PABPC4L: variants seen among roughly 807,000 people sequenced by gnomAD.
PABPC4L encodes poly(A) binding protein cytoplasmic 4 like, also known as polyadenylate-binding protein 4-like.
For synonymous variants in PABPC4L, 169 were observed against 164.1 expected, an observed-to-expected ratio of 1.03 and a Z score of -0.23; for missense variants, 452 against 451.4, an observed-to-expected ratio of 1.00 and a Z score of -0.01.
chr4:134,105,551 G>T, the PABPC4L span, among the ~76,000 whole-genome samples: 605 of 151,642 alleles, frequency 4.0e-3, 5 homozygotes, highest in African/African-American at 0.014. Flanking sequence ...AAATGGAAAA[G>T]CTTTGGGTAT....
the PABPC4L span, among the ~76,000 whole-genome samples, chr4:134,058,205 A>G: frequency 1.3e-5 from 2 of 152,102 alleles, no homozygotes; most frequent in African/African-American, 4.8e-5. Context: ...AAAAGGAAAA[A>G]AGAAATATAG....
At chr4:134,063,729 T>A in the PABPC4L span, among the ~76,000 whole-genome samples, 1 of 152,016 alleles carries the variant, frequency 6.6e-6, no homozygotes, top group Non-Finnish European at 1.5e-5. Flanking sequence ...AAAATGAATA[T>A]GAAATCTTGT....
Position 134,199,854 on chromosome 4 carries a change from T to C in PABPC4L, c.*53A>G, listed in dbSNP as rs932107396. 28 of 1,534,926 alleles carry C rather than the reference T, an allele frequency of 1.8e-5. No individual in the cohort carries two copies. Among genetic ancestry groups the C allele is most frequent in the Non-Finnish European group, 2.4e-5 (27 of 1,141,326 alleles). On this transcript the variant is annotated 3_prime_UTR_variant, in exon 2 of 2. Coordinates refer to ENST00000421491, the MANE Select transcript of PABPC4L (RefSeq NM_001114734.2). ...TGAGGTCAATTCAGGCAGAGATCAC[T>C]ATCATTCTCCCACCTGCTGCAGATA...
At chr4:134,064,484 T>G in the PABPC4L span, among the ~76,000 whole-genome samples, 2 of 152,090 alleles carry the variant, frequency 1.3e-5, no homozygotes, top group African/African-American at 2.4e-5. Flanking sequence ...TTTGGGAGAA[T>G]AATACAAATA....
chr4:133,977,358 C>T, the PABPC4L span, among the ~76,000 whole-genome samples: 1 of 152,076 alleles, frequency 6.6e-6, no homozygotes, highest in Admixed American at 6.6e-5. Flanking sequence ...ATGCCTTCAG[C>T]TTTCTTCTCT....
the PABPC4L span, among the ~76,000 whole-genome samples, chr4:134,113,525 T>C: frequency 1.3e-5 from 2 of 151,970 alleles, no homozygotes; most frequent in Admixed American, 6.6e-5. Context: ...AGATGTGTAG[T>C]AGGCTATACC....
chr4:134,010,708 G>A, the PABPC4L span: 2 of 152,126 alleles, frequency 1.3e-5, no homozygotes, highest in Non-Finnish European at 1.5e-5. Flanking sequence ...AGAGAGTAAA[G>A]AATGTATTAC....
At chr4:134,046,666 C>T in the PABPC4L span, among the ~76,000 whole-genome samples, 1 of 152,150 alleles carries the variant, frequency 6.6e-6, no homozygotes. Context: ...CTCAGGCTTT[C>T]TTGGGCAGAG....
the PABPC4L span, among the ~76,000 whole-genome samples, chr4:134,052,369 T>C: frequency 6.6e-6 from 1 of 152,154 alleles, no homozygotes. Flanking sequence ...GTTGTATTTT[T>C]ATTTCCTCTC....
the PABPC4L span, among the ~76,000 whole-genome samples, chr4:134,004,156 T>C: frequency 2.6e-5 from 4 of 151,610 alleles, no homozygotes; most frequent in African/African-American, 9.7e-5. Flanking sequence ...TCTAACAAAC[T>C]AACAAGCTTC....
chr4:134,094,954 A>G, the PABPC4L span, among the ~76,000 whole-genome samples: 2 of 151,752 alleles, frequency 1.3e-5, no homozygotes, highest in African/African-American at 4.8e-5. Flanking sequence ...AGGTAAAACA[A>G]TTTAGAAAAT....
At chr4:134,176,836 C>T in the PABPC4L span, among the ~76,000 whole-genome samples, 1 of 152,062 alleles carries the variant, frequency 6.6e-6, no homozygotes, top group African/African-American at 2.4e-5. Context: ...ATAAGAGAAT[C>T]CCCCTGGCGC....
rs1326957271 is a variant in PABPC4L, at chr4:134,199,124, C to T, written c.*783G>A. 3.3e-5 allele frequency: 5 copies of T among 151,846 alleles called. No homozygotes were observed. The allele number at this position is 151,846 out of a possible 1,614,324, so 9.4% of individuals were successfully genotyped here. ...CATATAGGTATGAAGAGATTTAAGA[C>T]CAGGCCAACTTTGGATCACCTGAGT... On this transcript the variant is annotated 3_prime_UTR_variant, in exon 2 of 2. Transcript: ENST00000421491.
chr4:134,199,637 A>G lies in PABPC4L; in HGVS notation c.*270T>C, dbSNP rs547620712. 1.5e-3 allele frequency: 525 copies of G among 352,126 alleles called. 1 individual carries two copies. The highest frequency in any genetic ancestry group is 1.7e-3 in the Non-Finnish European group (339 of 196,150). 21.8% of individuals were successfully genotyped at this position (352,126 alleles called of 1,614,324 possible). A position where few individuals can be genotyped will look rare whatever the true frequency, so the allele number is the denominator to read the frequency against. ...TTGGTTCAAATGTAAAAATATATCTATTTATACTTATTGCTATGAACATAT... is the reference window on the plus strand; with the variant it reads ...TTGGTTCAAATGTAAAAATATATCTGTTTATACTTATTGCTATGAACATAT... On this transcript the variant is annotated 3_prime_UTR_variant, in exon 2 of 2. Coordinates refer to ENST00000421491, the MANE Select transcript of PABPC4L (RefSeq NM_001114734.2).
At chr4:134,056,863 G>A in the PABPC4L span, among the ~76,000 whole-genome samples, 1 of 151,858 alleles carries the variant, frequency 6.6e-6, no homozygotes, top group Non-Finnish European at 1.5e-5. Flanking sequence ...TTCTGGCTGT[G>A]TATCTTTATT....
At chr4:133,962,089 C>A in the PABPC4L span, among the ~76,000 whole-genome samples, 1 of 152,132 alleles carries the variant, frequency 6.6e-6, no homozygotes, top group Admixed American at 6.5e-5. Flanking sequence ...GGAGAGAGTT[C>A]TACATCAAGG....
At chr4:134,186,713 G>A in the PABPC4L span, among the ~76,000 whole-genome samples, 4,510 of 152,176 alleles carry the variant, frequency 0.03, 112 homozygotes, top group Middle Eastern at 0.085. Flanking sequence ...AAACTAAAGA[G>A]CTTCTGCACA....
the PABPC4L span, among the ~76,000 whole-genome samples, chr4:134,141,221 G>C: frequency 6.6e-6 from 1 of 151,454 alleles, no homozygotes; most frequent in Non-Finnish European, 1.5e-5. Context: ...AGTTCCAAAA[G>C]AACCAGTACC....
the PABPC4L span, among the ~76,000 whole-genome samples, chr4:134,024,018 G>C: frequency 6.6e-6 from 1 of 152,106 alleles, no homozygotes; most frequent in Non-Finnish European, 1.5e-5. Context: ...TAAGTAGTTT[G>C]TATAATGAAA....
Sources: allele counts gnomAD v4.1 joint callset (sites outside exome capture counted in the v4.1 genomes callset), GRCh38; gene constraint gnomAD v4.1.1; transcripts MANE v1.5; gene names NCBI Gene and HGNC (gene_info 2026-07-23, HGNC 2026-07-21).